CATSPERB: variants seen among roughly 807,000 people sequenced by gnomAD.
CATSPERB encodes the protein catsper channel auxiliary subunit beta.
A neutral mutation model predicts 128.3 loss-of-function variants in CATSPERB; 93 were observed. The observed-to-expected ratio is 0.72, with a 90% CI of 0.61 to 0.86. CATSPERB has a LOEUF of 0.86. Among genes scored for constraint, CATSPERB ranks in the 40% least tolerant of loss-of-function variants. The pLI, the probability that CATSPERB is intolerant of heterozygous loss-of-function variation, is 0.00. For missense variants in CATSPERB, 1,153 were observed against 1,329.5 expected (o/e 0.87, Z 2.06); for synonymous variants, 381 against 448.8 (o/e 0.85, Z 1.91).
At chr14:91,678,114 A>G (rs531165496) in intron 11 of CATSPERB, among the ~76,000 whole-genome samples, 1 of 152,296 alleles carries the variant, frequency 6.6e-6, no homozygotes, top group East Asian at 1.9e-4. Flanking sequence ...CATTAGGACA[A>G]ATAGCTAATG....
chr14:91,672,149 A>AT (rs923928268), intron 13 of CATSPERB, among the ~76,000 whole-genome samples: 26 of 151,470 alleles, frequency 1.7e-4, no homozygotes, highest in Non-Finnish European at 2.5e-4. Context: ...TCCTATTAAT[A>AT]TTTTTTTTTC....
chr14:91,705,837 A>C (rs1895723791), intron 6 of CATSPERB, among the ~76,000 whole-genome samples: 1 of 152,238 alleles, frequency 6.6e-6, no homozygotes, highest in South Asian at 2.1e-4. Context: ...AAAGAACGTC[A>C]TCAGACAAGG....
Position 91,687,405 on chromosome 14 carries a change from G to T in CATSPERB, c.865-3462C>A, listed in dbSNP as rs191261398. 2.0e-5 allele frequency among the ~76,000 whole-genome samples: 3 copies of T among 152,208 alleles called. No homozygotes were observed. In the East Asian group the frequency reaches 5.8e-4, roughly 29 times the overall value. On this transcript the variant is annotated intron_variant, in intron 10 of 26. Transcript: ENST00000256343. ...TTATTTGATGTGGGGGTGATTCAGT[G>T]AATCGAATTAGTCCTCTTATAAAAG...
rs1428366154 is a variant in CATSPERB, at chr14:91,610,616, A to G, written c.2462T>C (p.Met821Thr). 2.5e-6 allele frequency: 4 copies of G among 1,613,022 alleles called. No homozygotes were observed. The highest frequency in any genetic ancestry group is 3.4e-6 in the Non-Finnish European group (4 of 1,179,178). Residue 821 changes from methionine to threonine, a missense_variant, in exon 21 of 27, where the codon ATG becomes ACG. Coordinates refer to ENST00000256343, the MANE Select transcript of CATSPERB (RefSeq NM_024764.4). ...SASTECFVTT[M>T]VPTLKSSCSY... ...ACAGCTGCTTTTCAGTGTTGGCACC[A>G]TTGTCGTAACAAAGCACTCAGTAGA...
intron 20 of CATSPERB, 99 bp downstream of exon 20, chr14:91,617,496 AAC>A (rs1188532232): frequency 2.5e-6 from 2 of 801,262 alleles, no homozygotes; most frequent in Non-Finnish European, 3.8e-6. Context: ...TGTATTTATA[AAC>A]AGAGATGTTT....
In CATSPERB at chr14:91,591,819, A is replaced by G. The variant is rs1173237273; in HGVS notation, c.2820+73T>C. On this transcript the variant is annotated intron_variant, in intron 23 of 26. Coordinates refer to ENST00000256343, the MANE Select transcript of CATSPERB (RefSeq NM_024764.4). ...TTTCTATGTCTTAGTTTTCATGTTT[A>G]ACCTAAAGGCACATTTCAAAATCTT... The G allele has an allele frequency of 3.0e-6, 3 of 986,458 alleles. No individual in the cohort carries two copies. In the African/African-American group the frequency reaches 4.8e-5, roughly 16 times the overall value. The allele number at this position is 986,458 out of a possible 1,614,324, so 61.1% of individuals were successfully genotyped here.
intron 3 of CATSPERB, among the ~76,000 whole-genome samples, chr14:91,723,775 G>A (rs994263278): frequency 1.3e-5 from 2 of 152,196 alleles, no homozygotes; most frequent in Non-Finnish European, 2.9e-5. Context: ...TATGAATGGT[G>A]CTAGGAATGT....
At chr14:91,659,741 G>T in intron 15 of CATSPERB, 96 bp downstream of exon 15, 2 of 1,189,738 alleles carry the variant, frequency 1.7e-6, no homozygotes, top group South Asian at 1.4e-5. Context: ...TAGTTTTGAG[G>T]TCTTAGGATT....
chr14:91,606,130 C>G (rs571550329), intron 22 of CATSPERB, among the ~76,000 whole-genome samples: 1 of 151,896 alleles, frequency 6.6e-6, no homozygotes, highest in South Asian at 2.1e-4. Context: ...GAGCCAAGAT[C>G]GCGCCACTGT....
intron 22 of CATSPERB, among the ~76,000 whole-genome samples, chr14:91,602,871 T>A (rs1311236256): frequency 2.6e-5 from 4 of 152,172 alleles, no homozygotes; most frequent in Admixed American, 6.6e-5. Flanking sequence ...CTTCATCATA[T>A]CCCTCCTGTT....
At chr14:91,610,797 G>A in intron 20 of CATSPERB, 120 bp from the exon 21 acceptor site, 1 of 909,454 alleles carries the variant, frequency 1.1e-6, no homozygotes, top group Non-Finnish European at 1.7e-6. Flanking sequence ...GGCTGTATTT[G>A]GAGATAGGGC....
At chr14:91,731,644 T>C (rs772064652) in intron 1 of CATSPERB, among the ~76,000 whole-genome samples, 3 of 152,206 alleles carry the variant, frequency 2.0e-5, no homozygotes, top group Non-Finnish European at 2.9e-5. Flanking sequence ...CAACTTCTTT[T>C]TCCTCATCAC....
At chr14:91,718,001 C>A (rs545706368) in intron 5 of CATSPERB, among the ~76,000 whole-genome samples, 4 of 152,224 alleles carry the variant, frequency 2.6e-5, no homozygotes, top group East Asian at 3.9e-4. Context: ...GTTCTCGTAT[C>A]ATCTTTGTTC....
At chr14:91,677,745 G>A (rs1226526324) in intron 11 of CATSPERB, among the ~76,000 whole-genome samples, 4 of 152,160 alleles carry the variant, frequency 2.6e-5, no homozygotes, top group Non-Finnish European at 5.9e-5. Flanking sequence ...CTACTATAAA[G>A]GCACATGCGC....
At chr14:91,695,286 T>C (rs1336875201) in intron 7 of CATSPERB, among the ~76,000 whole-genome samples, 5 of 152,126 alleles carry the variant, frequency 3.3e-5, no homozygotes, top group African/African-American at 9.7e-5. Flanking sequence ...TGCACCACCA[T>C]GTCTGGCTAA....
At chr14:91,668,754 C>G (rs1051462090) in intron 14 of CATSPERB, among the ~76,000 whole-genome samples, 33 of 152,310 alleles carry the variant, frequency 2.2e-4, no homozygotes, top group African/African-American at 7.5e-4. Flanking sequence ...CCTTTAAGAG[C>G]TGTAACACTC....
intron 17 of CATSPERB, among the ~76,000 whole-genome samples, chr14:91,631,081 A>G (rs1259498770): frequency 1.3e-5 from 2 of 152,034 alleles, no homozygotes; most frequent in Non-Finnish European, 2.9e-5. Flanking sequence ...TCCCTCTGTC[A>G]CCATATTTAC....
intron 1 of CATSPERB, among the ~76,000 whole-genome samples, chr14:91,730,924 C>T (rs1046453726): frequency 1.3e-5 from 2 of 152,090 alleles, no homozygotes; most frequent in Non-Finnish European, 2.9e-5. Flanking sequence ...GAGAAAACAA[C>T]TTGTTTTCAC....
intron 5 of CATSPERB, among the ~76,000 whole-genome samples, chr14:91,717,850 C>T (rs894228923): frequency 6.6e-6 from 1 of 152,068 alleles, no homozygotes; most frequent in Non-Finnish European, 1.5e-5. Context: ...AACATTTTTC[C>T]CCTGATTTTT....
Sources: gnomAD v4.1 joint callset for allele counts (sites outside exome capture counted in the v4.1 genomes callset) on GRCh38, gnomAD v4.1.1 for gene constraint, MANE v1.5 for transcripts, NCBI Gene and HGNC (gene_info 2026-07-23, HGNC 2026-07-21) for gene names.